Variants in GREM2 observed in about 807,000 individuals in gnomAD.
GREM2 encodes gremlin-2.
GREM2 carries 11 observed loss-of-function variants against 14.2 expected under a neutral mutation model. The ratio of observed to expected loss-of-function variants is 0.78; its 90% CI spans 0.49 to 1.28. GREM2 has a LOEUF of 1.28. Ranked by LOEUF, GREM2 falls within the 50% of genes most tolerant of loss-of-function variation. GREM2 has a pLI of 0.00. For synonymous variants in GREM2, 98 were observed against 97.6 expected (o/e 1.00, Z -0.02); for missense variants, 210 against 218.5 (o/e 0.96, Z 0.24).
At chr1:240,547,390 C>T (rs1359696738) in intron 1 of GREM2, among the ~76,000 whole-genome samples, 1 of 151,148 alleles carries the variant, frequency 6.6e-6, no homozygotes, top group Admixed American at 6.6e-5. Flanking sequence ...GTCCCAGCTA[C>T]TCAAGAGGCT....
At chr1:240,594,386 G>T (rs546009687) in intron 1 of GREM2, among the ~76,000 whole-genome samples, 10 of 152,298 alleles carry the variant, frequency 6.6e-5, no homozygotes, top group Non-Finnish European at 1.3e-4. Flanking sequence ...TTGATAAAAG[G>T]GTAAAAGGAT....
intron 1 of GREM2, among the ~76,000 whole-genome samples, chr1:240,584,502 A>G (rs1679552372): frequency 6.6e-6 from 1 of 151,442 alleles, no homozygotes; most frequent in African/African-American, 2.4e-5. Context: ...CTCAAAAAAA[A>G]AAAAAAAAAA....
chr1:240,573,527 T>C (rs1291823951), intron 1 of GREM2, among the ~76,000 whole-genome samples: 1 of 152,238 alleles, frequency 6.6e-6, no homozygotes, highest in Non-Finnish European at 1.5e-5. Context: ...TATTTATCTT[T>C]ACAACTTAGG....
intron 1 of GREM2, among the ~76,000 whole-genome samples, chr1:240,497,112 C>T (rs975103637): frequency 2.0e-5 from 3 of 152,200 alleles, no homozygotes; most frequent in East Asian, 1.9e-4. Context: ...AAGGCATGCA[C>T]GTGACTGCGT....
intron 1 of GREM2, among the ~76,000 whole-genome samples, chr1:240,589,518 C>T (rs147524147): frequency 1.3e-5 from 2 of 152,244 alleles, no homozygotes; most frequent in East Asian, 3.9e-4. Context: ...TTTCCTCATC[C>T]TACTCTTCAC....
At chr1:240,574,809 A>G (rs1679328474) in intron 1 of GREM2, among the ~76,000 whole-genome samples, 1 of 152,108 alleles carries the variant, frequency 6.6e-6, no homozygotes, top group Non-Finnish European at 1.5e-5. Context: ...GTCCAAAATT[A>G]AAATAATATT....
rs182465815 is a variant in GREM2 at position 240,581,328 on chromosome 1, C to T, written c.-2+30556G>A. Among the ~76,000 whole-genome samples the T allele has an allele frequency of 3.0e-4, 45 of 151,912 alleles. 1 individual carries two copies. The highest frequency in any genetic ancestry group is 4.7e-4 in the Non-Finnish European group (32 of 67,972). ...CAGCTCTGCCATTCAAGTAGCTGTG[C>T]GATTCTTAGTCATTAATTAAACTCT... On this transcript the variant is annotated intron_variant, in intron 1 of 1. Transcript: ENST00000318160.
At position 240,565,938 on chromosome 1, in the gene GREM2, C is replaced by T. The variant is rs118097777; in HGVS notation, c.-2+45946G>A. On this transcript the variant is annotated intron_variant, in intron 1 of 1. Transcript: ENST00000318160. The stretch of plus-strand genomic sequence containing the variant: ...CTCAATTATTTTACAGTTTAGGGTA[C>T]AGTCATCCTTAACTAAGAAAAGAGA... Among the ~76,000 whole-genome samples, 40 of 151,572 alleles carry T rather than the reference C, an allele frequency of 2.6e-4. No individual in the cohort carries two copies. The East Asian group carries it at 7.0e-3, about 26-fold the overall frequency.
intron 1 of GREM2, among the ~76,000 whole-genome samples, chr1:240,564,309 C>G (rs1227725887): frequency 6.6e-6 from 1 of 151,856 alleles, no homozygotes; most frequent in East Asian, 1.9e-4. Context: ...AGTTTGAGAC[C>G]AGCCTGGGCA....
At chr1:240,529,998 G>C (rs909836360) in intron 1 of GREM2, among the ~76,000 whole-genome samples, 1 of 152,080 alleles carries the variant, frequency 6.6e-6, no homozygotes, top group Non-Finnish European at 1.5e-5. Flanking sequence ...GGAAATATTG[G>C]ACTTGAAGTC....
chr1:240,584,512 AG>A (rs1329545457), intron 1 of GREM2, among the ~76,000 whole-genome samples: 158 of 146,542 alleles, frequency 1.1e-3, no homozygotes, highest in African/African-American at 3.3e-3. Flanking sequence ...AAAAAAAAAA[AG>A]AAGAATGAAA....
At chr1:240,521,194 C>CA (rs529425717) in intron 1 of GREM2, among the ~76,000 whole-genome samples, 28 of 152,170 alleles carry the variant, frequency 1.8e-4, no homozygotes, top group Admixed American at 4.6e-4. Flanking sequence ...GTGATGGAAG[C>CA]AGCTTATAGA....
At chr1:240,575,217 A>T (rs552414177) in intron 1 of GREM2, among the ~76,000 whole-genome samples, 1 of 152,286 alleles carries the variant, frequency 6.6e-6, no homozygotes, top group Non-Finnish European at 1.5e-5. Context: ...GTTTTATTTA[A>T]CTGTGATAGT....
At chr1:240,562,881 T>C (rs569866399) in intron 1 of GREM2, among the ~76,000 whole-genome samples, 2 of 151,272 alleles carry the variant, frequency 1.3e-5, no homozygotes, top group Admixed American at 6.6e-5. Flanking sequence ...AGTGTGTATG[T>C]GTGTATGAGT....
At chr1:240,505,473 G>A (rs758487945) in intron 1 of GREM2, among the ~76,000 whole-genome samples, 1 of 151,996 alleles carries the variant, frequency 6.6e-6, no homozygotes, top group African/African-American at 2.4e-5. Context: ...CATTCATGGG[G>A]CATCTATTTA....
chr1:240,590,197 G>A (rs1679679352), intron 1 of GREM2, among the ~76,000 whole-genome samples: 1 of 152,116 alleles, frequency 6.6e-6, no homozygotes, highest in Non-Finnish European at 1.5e-5. Context: ...TCATTGTGTT[G>A]TGTTCAGCCA....
chr1:240,586,635 A>C (rs1434406181), intron 1 of GREM2, among the ~76,000 whole-genome samples: 1 of 152,200 alleles, frequency 6.6e-6, no homozygotes, highest in Non-Finnish European at 1.5e-5. Flanking sequence ...AGAAATCTGC[A>C]AATAACCAAA....
chr1:240,574,128 G>A (rs759203072), intron 1 of GREM2, among the ~76,000 whole-genome samples: 8 of 151,916 alleles, frequency 5.3e-5, no homozygotes, highest in Non-Finnish European at 1.0e-4. Context: ...CACCATGTTG[G>A]CCAGGCTGGT....
intron 1 of GREM2, among the ~76,000 whole-genome samples, chr1:240,604,407 G>A (rs748272786): frequency 2.6e-5 from 4 of 151,822 alleles, no homozygotes; most frequent in Non-Finnish European, 5.9e-5. Context: ...CTAAAAGCAG[G>A]TATGATCACT....
Sources: gnomAD v4.1 joint callset for allele counts (sites outside exome capture counted in the v4.1 genomes callset) on GRCh38, gnomAD v4.1.1 for gene constraint, MANE v1.5 for transcripts, NCBI Gene and HGNC (gene_info 2026-07-23, HGNC 2026-07-21) for gene names.